The following RHBDF2 variants were observed in gnomAD, a reference collection of about 807,000 sequenced individuals.
The protein encoded by RHBDF2 is inactive rhomboid protein 2.
In RHBDF2, 38 loss-of-function variants were observed where a neutral mutation model predicts 95.2. The observed-to-expected ratio is 0.40, with a 90% CI of 0.31 to 0.52. RHBDF2 has a LOEUF of 0.52. RHBDF2 is among the 20% of genes least tolerant of loss of function. RHBDF2 has a pLI of 0.56. For missense variants in RHBDF2, 863 were observed against 1,137.7 expected, an observed-to-expected ratio of 0.76 and a Z score of 3.47; for synonymous variants, 442 against 462.0, an observed-to-expected ratio of 0.96 and a Z score of 0.55.
At chr17:76,497,984 C>T (rs572960415) in intron 1 of RHBDF2, among the ~76,000 whole-genome samples, 1 of 152,334 alleles carries the variant, frequency 6.6e-6, no homozygotes, top group African/African-American at 2.4e-5. Context: ...AACTGCCTTC[C>T]AGTAGCTTTT....
At chr17:76,494,447 G>A (rs1248075306) in intron 1 of RHBDF2, among the ~76,000 whole-genome samples, 1 of 152,132 alleles carries the variant, frequency 6.6e-6, no homozygotes. Context: ...GGAAATTTCT[G>A]GATTTCAAAA....
chr17:76,499,550 A>G (rs544715918), intron 1 of RHBDF2, among the ~76,000 whole-genome samples: 3 of 152,070 alleles, frequency 2.0e-5, no homozygotes, highest in Admixed American at 2.0e-4. Context: ...AGCTGGGCCC[A>G]CTCCAGGGCT....
In RHBDF2 at chr17:76,471,078, T is replaced by TC; in HGVS notation, c.*554dup. The TC allele has an allele frequency of 6.4e-6, 1 of 155,330 alleles. No individual in the cohort carries two copies. The highest frequency in any genetic ancestry group is 1.4e-5 in the Non-Finnish European group (1 of 70,024). The allele number at this position is 155,330 out of a possible 1,614,324, so 9.6% of individuals were successfully genotyped here. A position where few individuals can be genotyped will look rare whatever the true frequency, so the allele number is the denominator to read the frequency against. ...GTTCTACCTGAGGTCTACTTGTGTCTCCCCCCTTGTTCTCTGCCCCCAGAC... is the reference window on the plus strand; with the variant it reads ...GTTCTACCTGAGGTCTACTTGTGTCTCCCCCCCTTGTTCTCTGCCCCCAGAC... On this transcript the variant is annotated 3_prime_UTR_variant, in exon 19 of 19. Coordinates refer to ENST00000675367, the MANE Select transcript of RHBDF2 (RefSeq NM_001005498.4).
intron 6 of RHBDF2, 63 bp from the exon 7 acceptor site, chr17:76,477,848 AAC>A: frequency 6.3e-7 from 1 of 1,583,080 alleles, no homozygotes; most frequent in Non-Finnish European, 8.5e-7. Context: ...CCCCAGCCCC[AAC>A]ACCGAAGGAA....
chr17:76,481,450 G>A lies in RHBDF2; in HGVS notation c.75C>T (p.Pro25=). The A allele has an allele frequency of 1.2e-6, 2 of 1,612,882 alleles. No individual in the cohort carries two copies. Among genetic ancestry groups the A allele is most frequent in the Non-Finnish European group, 8.5e-7 (1 of 1,180,024 alleles). ...GTGGCGGGATGGTGATGGAGAGGTT[G>A]GGTGGCTTCCGGCTCTGCAGGCGGC... The part of the protein sequence containing the change: ...SSSRLQSRKP[P]NLSITIPPPE... Residue 25 remains proline (P), a synonymous_variant, in exon 3 of 19, where the codon CCC becomes CCT. Coordinates refer to ENST00000675367, the MANE Select transcript of RHBDF2 (RefSeq NM_001005498.4).
At position 76,476,881 on chromosome 17, in the gene RHBDF2, C is replaced by T. The variant is rs1201037991; in HGVS notation, c.1064G>A (p.Arg355His). The T allele has an allele frequency of 4.3e-6, 7 of 1,612,064 alleles. No individual in the cohort carries two copies. Among genetic ancestry groups the T allele is most frequent in the Admixed American group, 3.3e-5 (2 of 59,958 alleles). The change falls in exon 9 of 19, where the codon CGC becomes CAC. Residue 355 changes from arginine to histidine, a missense_variant. This residue lies in a region of RHBDF2 where 611 missense variants were observed against 725.5 expected (regional missense o/e 0.84). Coordinates refer to ENST00000675367, the MANE Select transcript of RHBDF2 (RefSeq NM_001005498.4). ...CCGCTGCACAGTGCTGCTGATGCTGCGGCGGTAGCTGCGGTTCAGCCAGTT... is the reference window on the plus strand; with the variant it reads ...CCGCTGCACAGTGCTGCTGATGCTGTGGCGGTAGCTGCGGTTCAGCCAGTT... ...VGNWLNRSYR[R>H]SISSTVQRQL...
At chr17:76,479,612 T>A in intron 4 of RHBDF2, 121 bp downstream of exon 4, 1 of 771,592 alleles carries the variant, frequency 1.3e-6, no homozygotes, top group Non-Finnish European at 2.2e-6. Context: ...ACATTGCTCA[T>A]TAATGCCGGC....
chr17:76,477,554 C>T, intron 7 of RHBDF2, 103 bp downstream of exon 7: 1 of 1,336,166 alleles, frequency 7.5e-7, no homozygotes, highest in Non-Finnish European at 1.1e-6. Context: ...CAGTGGGCCT[C>T]TGGGTCCCTC....
Position 76,471,938 on chromosome 17 carries a change from C to G in RHBDF2, c.2179G>C (p.Val727Leu), listed in dbSNP as rs376787140. The G allele has an allele frequency of 6.4e-7, 1 of 1,571,634 alleles. No homozygotes were observed. Among genetic ancestry groups the G allele is most frequent in the South Asian group, 1.2e-5 (1 of 85,700 alleles). The part of the protein sequence containing the change: ...WKAFLNLSAI[V>L]LFLFICGLLP... ...AGGCCACAGATGAACAGGAAGAGCA[C>G]GATGGCCGAGAGGTTGAGGAAGGCC... is the stretch of plus-strand genomic sequence containing the variant. Residue 727 changes from valine (V) to leucine (L), a missense_variant, in exon 19 of 19, where the codon GTG becomes CTG. Val to Leu is a conservative substitution (Grantham distance 32). Transcript: ENST00000675367.
At chr17:76,485,309 G>A (rs1029504860) in intron 2 of RHBDF2, among the ~76,000 whole-genome samples, 2 of 151,808 alleles carry the variant, frequency 1.3e-5, no homozygotes, top group Non-Finnish European at 2.9e-5. Context: ...TACTCGGGAG[G>A]CTGAGGCAGG....
rs1035590328 is a variant in RHBDF2, at chr17:76,478,749, G to A, written c.672+57C>T. 2.8e-6 allele frequency: 4 copies of A among 1,444,512 alleles called. No homozygotes were observed. In the African/African-American group the frequency reaches 4.2e-5, roughly 15 times the overall value. 89.5% of individuals were successfully genotyped at this position (1,444,512 alleles called of 1,614,324 possible). A position where few individuals can be genotyped will look rare whatever the true frequency, so the allele number is the denominator to read the frequency against. ...ATGCTACTATGAGGAGTGGAAGGGA[G>A]GGGCAAGGAAGGGAGGCCGGGCAGA... On this transcript the variant is annotated intron_variant, in intron 6 of 18. Coordinates refer to ENST00000675367, the MANE Select transcript of RHBDF2 (RefSeq NM_001005498.4).
chr17:76,483,434 C>A, intron 2 of RHBDF2, among the ~76,000 whole-genome samples: 1 of 152,020 alleles, frequency 6.6e-6, no homozygotes, highest in East Asian at 1.9e-4. Flanking sequence ...TACGGGCATG[C>A]GCCACCACGC....
At chr17:76,482,003 A>AC (rs2073986864) in intron 2 of RHBDF2, 2,281 of 34,246 alleles carry the variant, frequency 0.067, 88 homozygotes, top group African/African-American at 0.13. Context: ...ACACACACAC[A>AC]AAACCAAAAA....
At chr17:76,497,298 G>A (rs537378070) in intron 1 of RHBDF2, among the ~76,000 whole-genome samples, 1 of 152,220 alleles carries the variant, frequency 6.6e-6, no homozygotes, top group African/African-American at 2.4e-5. Context: ...CCAACTCCAT[G>A]AGCTGCCCCC....
In RHBDF2 at chr17:76,474,484, G is replaced by A. The variant is rs960928192; in HGVS notation, c.1353C>T (p.Asp451=). ...GAKFSPCIRK[D]GQIEQLVLRE... ...GCAGCACCAGCTGCTCGATCTGCCC[G>A]TCCTTCCGGATGCAGGGTGAGAACT... is the stretch of plus-strand genomic sequence containing the variant. The change falls in exon 12 of 19, where the codon GAC becomes GAT. Residue 451 remains aspartate (D), a synonymous_variant. Coordinates refer to ENST00000675367, the MANE Select transcript of RHBDF2 (RefSeq NM_001005498.4). The A allele has an allele frequency of 1.2e-5, 19 of 1,614,054 alleles. No homozygotes were observed. The highest frequency in any genetic ancestry group is 5.0e-5 in the Admixed American group (3 of 60,012).
In RHBDF2 at chr17:76,478,882, C is replaced by A. The variant is rs2073855517; in HGVS notation, c.596G>T (p.Gly199Val). ...CTTGCGGCGTGGCAGGTGGGAGTAG[C>A]CAGAACGGACACTGGTGAAGGAGGT... Reference protein sequence around the residue: ...SLTSFTSVRSGYSHLPRRKRM... With the variant: ...SLTSFTSVRSVYSHLPRRKRM... The change falls in exon 6 of 19, where the codon GGC becomes GTC. Residue 199 changes from glycine to valine, a missense_variant. Physicochemically the swap from Gly to Val is moderately radical, Grantham distance 109. Around this residue, in one of 2 missense-constraint regions of RHBDF2, gnomAD observed 611 missense variants for 725.5 expected, o/e 0.84. Coordinates refer to ENST00000675367, the MANE Select transcript of RHBDF2 (RefSeq NM_001005498.4). The A allele has an allele frequency of 1.9e-6, 3 of 1,612,980 alleles. No individual in the cohort carries two copies. The highest frequency in any genetic ancestry group is 2.5e-6 in the Non-Finnish European group (3 of 1,179,500).
rs775282314 is a variant in RHBDF2, at chr17:76,477,784, C to T, written c.674G>A (p.Gly225Glu). The T allele has an allele frequency of 1.9e-6, 3 of 1,610,024 alleles. No homozygotes were observed. The highest frequency in any genetic ancestry group is 1.3e-5 in the African/African-American group (1 of 74,942). The change falls in exon 7 of 19, where the codon GGG becomes GAG. Residue 225 changes from glycine to glutamate, a missense_variant and splice_region_variant. Around this residue, in one of 2 missense-constraint regions of RHBDF2, gnomAD observed 611 missense variants for 725.5 expected, o/e 0.84. Coordinates refer to ENST00000675367, the MANE Select transcript of RHBDF2 (RefSeq NM_001005498.4). The stretch of plus-strand genomic sequence containing the variant: ...TCCGGTGGCATCCAGCACCGAGCGC[C>T]CCTGTGCACGGGCAGAGGCACAGCC... ...SLQAAAALLK[G>E]RSVLDATGQR...
At chr17:76,494,709 G>A (rs1247309838) in intron 1 of RHBDF2, among the ~76,000 whole-genome samples, 2 of 152,158 alleles carry the variant, frequency 1.3e-5, no homozygotes, top group African/African-American at 4.8e-5. Flanking sequence ...CCGAGATCAC[G>A]CCACTGCACT....
intron 1 of RHBDF2, among the ~76,000 whole-genome samples, chr17:76,489,453 A>G (rs2074240120): frequency 6.6e-6 from 1 of 150,804 alleles, no homozygotes; most frequent in African/African-American, 2.4e-5. Context: ...CCTCCGGAGG[A>G]GCTGGGACTA....
Sources: gnomAD v4.1 joint callset for allele counts (sites outside exome capture counted in the v4.1 genomes callset) on GRCh38, gnomAD v4.1.1 for gene constraint, gnomAD v4.1.1 regional missense constraint, MANE v1.5 for transcripts, NCBI Gene and HGNC (gene_info 2026-07-23, HGNC 2026-07-21) for gene names.